Variants in FGD6 observed in about 807,000 individuals in gnomAD.
FGD6 encodes FYVE, RhoGEF and PH domain containing 6, also known as FYVE, RhoGEF and PH domain-containing protein 6.
A neutral mutation model predicts 149.4 loss-of-function variants in FGD6; 90 were observed. That is an observed-to-expected ratio of 0.60 (90% CI 0.51 to 0.72). The LOEUF (loss-of-function observed/expected upper bound fraction) is 0.72. Ranked by LOEUF, FGD6 falls within the 30% of genes least tolerant of loss-of-function variation. The probability of loss-of-function intolerance (pLI) is 0.00; values close to 1 mark genes in which losing one functional copy is unlikely to be tolerated. For missense variants in FGD6, 1,437 were observed against 1,684.8 expected (o/e 0.85, Z 2.57); for synonymous variants, 527 against 584.0 (o/e 0.90, Z 1.41).
At chr12:95,161,175 A>T (rs966559994) in intron 3 of FGD6, among the ~76,000 whole-genome samples, 1 of 151,602 alleles carries the variant, frequency 6.6e-6, no homozygotes, top group African/African-American at 2.4e-5. Flanking sequence ...TTGAAACTTC[A>T]TCTCAAAAAC....
rs546878998 is a variant in FGD6 at position 95,187,667 on chromosome 12, A to C, written c.2442-14923T>G. 1.7e-4 allele frequency among the ~76,000 whole-genome samples: 26 copies of C among 152,016 alleles called. 1 individual carries two copies. Among genetic ancestry groups the C allele is most frequent in the East Asian group, 3.9e-4 (2 of 5,180 alleles). On this transcript the variant is annotated intron_variant, in intron 2 of 20. Transcript: ENST00000343958. ...GCTGCGTCCCCAAAAAAAAAACAAA[A>C]AAAAAAAAGTGACTTCAGAGAGGAG... is the stretch of plus-strand genomic sequence containing the variant.
chr12:95,164,556 G>A (rs1342012674), intron 3 of FGD6, among the ~76,000 whole-genome samples: 6 of 151,712 alleles, frequency 4.0e-5, no homozygotes, highest in Admixed American at 2.0e-4. Context: ...TCAGTCTCCC[G>A]AGCAGCTGGG....
chr12:95,082,796 A>T (rs979904910), intron 20 of FGD6, among the ~76,000 whole-genome samples: 10 of 150,410 alleles, frequency 6.6e-5, no homozygotes, highest in African/African-American at 2.4e-4. Flanking sequence ...CTCCCTACTA[A>T]TGTAATTGCT....
At chr12:95,169,623 T>C (rs942378305) in intron 3 of FGD6, among the ~76,000 whole-genome samples, 6 of 152,186 alleles carry the variant, frequency 3.9e-5, no homozygotes, top group African/African-American at 1.2e-4. Context: ...CCTTCCTTTA[T>C]ACGATGTATC....
intron 2 of FGD6, among the ~76,000 whole-genome samples, chr12:95,193,379 C>T (rs1054300359): frequency 4.0e-5 from 6 of 149,826 alleles, no homozygotes; most frequent in South Asian, 2.1e-4. Context: ...TTTTTTGAGG[C>T]GGAATTTCGC....
At chr12:95,189,018 C>T (rs1206737355) in intron 2 of FGD6, among the ~76,000 whole-genome samples, 1 of 152,144 alleles carries the variant, frequency 6.6e-6, no homozygotes, top group South Asian at 2.1e-4. Flanking sequence ...AGACCACTCC[C>T]CGCTCTGAAA....
chr12:95,166,751 T>G (rs1880829922), intron 3 of FGD6, among the ~76,000 whole-genome samples: 1 of 151,962 alleles, frequency 6.6e-6, no homozygotes, highest in Non-Finnish European at 1.5e-5. Context: ...CCATTATCAG[T>G]CATTCCTCAT....
chr12:95,209,441 T>C lies in FGD6; in HGVS notation c.1843A>G (p.Thr615Ala). 1 of 1,612,992 alleles carries C rather than the reference T, an allele frequency of 6.2e-7. No individual in the cohort carries two copies. Among genetic ancestry groups the C allele is most frequent in the South Asian group, 1.1e-5 (1 of 90,886 alleles). ...SLSAMDVEKC[T>A]KPCKDSTKKN... is the part of the protein sequence containing the mutation. Reference sequence around the variant, plus strand: ...TTTGTAGAGTCTTTGCAAGGCTTAGTGCACTTTTCCACATCCATAGCAGAT... The same window carrying C: ...TTTGTAGAGTCTTTGCAAGGCTTAGCGCACTTTTCCACATCCATAGCAGAT... Residue 615 changes from threonine (T) to alanine (A), a missense_variant, in exon 2 of 21, where the codon ACT becomes GCT. Physicochemically the swap from Thr to Ala is moderately conservative, Grantham distance 58 (BLOSUM62 0). This residue lies in a region of FGD6 where 1,055 missense variants were observed against 1,146.0 expected (regional missense o/e 0.92). Coordinates refer to ENST00000343958, the MANE Select transcript of FGD6 (RefSeq NM_018351.4).
Position 95,084,576 on chromosome 12 carries a change from T to C in FGD6, c.4178A>G (p.Glu1393Gly), listed in dbSNP as rs767545826. ...TVIQVKDENS[E>G]SKVFQLLHKN... ...GTGCAGTAACTGAAATACTTTAGAC[T>C]CGGAATTCTCATCTTTAACTTGAAT... Residue 1393 changes from glutamate (E) to glycine (G), a missense_variant, in exon 20 of 21, where the codon GAG (glutamate) becomes GGG (glycine). Physicochemically the swap from Glu to Gly is moderately conservative, Grantham distance 98 (BLOSUM62 -2). Coordinates refer to ENST00000343958, the MANE Select transcript of FGD6 (RefSeq NM_018351.4). 4.4e-6 allele frequency: 7 copies of C among 1,607,494 alleles called. No individual in the cohort carries two copies. The highest frequency in any genetic ancestry group is 5.9e-6 in the Non-Finnish European group (7 of 1,177,690).
chr12:95,137,454 C>T, intron 7 of FGD6, 68 bp downstream of exon 7: 1 of 1,324,436 alleles, frequency 7.6e-7, no homozygotes, highest in Non-Finnish European at 1.0e-6. Context: ...TCAATGACTG[C>T]AACTTGTTAT....
intron 18 of FGD6, among the ~76,000 whole-genome samples, chr12:95,086,592 T>G (rs1017730475): frequency 2.1e-5 from 3 of 143,074 alleles, no homozygotes; most frequent in African/African-American, 7.8e-5. Context: ...CAGGCTGGAG[T>G]GCAGTGGCCC....
chr12:95,196,348 T>C (rs1278437509), intron 2 of FGD6, among the ~76,000 whole-genome samples: 2 of 151,932 alleles, frequency 1.3e-5, no homozygotes, highest in Admixed American at 6.6e-5. Flanking sequence ...TGGACTCCAG[T>C]GATTCTCCTA....
chr12:95,149,550 T>C (rs1030722919), intron 5 of FGD6, among the ~76,000 whole-genome samples: 5 of 139,094 alleles, frequency 3.6e-5, no homozygotes, highest in Non-Finnish European at 7.6e-5. Flanking sequence ...ATATAATATA[T>C]ATAGTATAAT....
chr12:95,117,307 G>A (rs1879045611), intron 8 of FGD6, among the ~76,000 whole-genome samples: 1 of 152,140 alleles, frequency 6.6e-6, no homozygotes, highest in Non-Finnish European at 1.5e-5. Context: ...CCACCAGGTG[G>A]CATCACTGAT....
intron 8 of FGD6, among the ~76,000 whole-genome samples, chr12:95,115,958 C>T (rs1010635527): frequency 6.6e-5 from 10 of 152,324 alleles, no homozygotes; most frequent in Admixed American, 3.3e-4. Flanking sequence ...TTCCCTGCGC[C>T]ATGGCATAGG....
In FGD6 at chr12:95,089,574, T is replaced by C. The variant is rs970728929; in HGVS notation, c.3973A>G (p.Lys1325Glu). The C allele has an allele frequency of 6.2e-7, 1 of 1,613,396 alleles. No individual in the cohort carries two copies. Among genetic ancestry groups the C allele is most frequent in the African/African-American group, 1.3e-5 (1 of 74,940 alleles). Residue 1325 changes from lysine to glutamate, a missense_variant, in exon 18 of 21, where the codon AAA becomes GAA. Lys to Glu is a moderately conservative substitution (Grantham distance 56). Coordinates refer to ENST00000343958, the MANE Select transcript of FGD6 (RefSeq NM_018351.4). ...RKQKKIPAAL[K>E]EVSANTEDSS... ...AATTTAATGGAAACACTTACTTCTT[T>C]GAGAGCAGCTGGGATTTTTTTCTGT...
At chr12:95,156,589 G>A (rs372454119) in intron 3 of FGD6, among the ~76,000 whole-genome samples, 1 of 152,024 alleles carries the variant, frequency 6.6e-6, no homozygotes, top group East Asian at 1.9e-4. Context: ...CTGTGATCTC[G>A]CCCTGCCTCC....
At chr12:95,208,761 T>TC (rs2056705671) in intron 2 of FGD6, 82 bp downstream of exon 2, 5 of 1,472,786 alleles carry the variant, frequency 3.4e-6, no homozygotes, top group Admixed American at 4.9e-5. Context: ...GTGTTTTTTT[T>TC]CCCCCTGCAT....
chr12:95,182,788 C>T (rs575116048), intron 2 of FGD6, among the ~76,000 whole-genome samples: 1 of 152,206 alleles, frequency 6.6e-6, no homozygotes, highest in East Asian at 1.9e-4. Context: ...AAAGAGACAA[C>T]TTGGCTGGGC....
Sources: gnomAD v4.1 joint callset for allele counts (sites outside exome capture counted in the v4.1 genomes callset) on GRCh38, gnomAD v4.1.1 for gene constraint, gnomAD v4.1.1 regional missense constraint, MANE v1.5 for transcripts, NCBI Gene and HGNC (gene_info 2026-07-23, HGNC 2026-07-21) for gene names.